TAOK3: variants seen among roughly 807,000 people sequenced by gnomAD.
TAOK3 encodes TAO kinase 3, also known as serine/threonine-protein kinase TAO3.
Under a neutral mutation model 120.4 loss-of-function variants are expected in TAOK3, and 40 were observed. The observed-to-expected ratio is 0.33, with a 90% confidence interval of 0.26 to 0.43. TAOK3 has a LOEUF of 0.43. Among genes scored for constraint, TAOK3 ranks in the 20% least tolerant of loss-of-function variants. TAOK3 has a pLI of 1.00. For missense variants in TAOK3, 821 were observed against 1,112.1 expected (o/e 0.74, Z 3.72); for synonymous variants, 355 against 387.5 (o/e 0.92, Z 0.99).
intron 9 of TAOK3, among the ~76,000 whole-genome samples, chr12:118,220,515 A>G (rs752742020): frequency 2.2e-4 from 34 of 151,942 alleles, no homozygotes; most frequent in Non-Finnish European, 4.1e-4. Flanking sequence ...AAGGACCAGA[A>G]CCCTCCCACT....
At chr12:118,353,916 T>TTG (rs2045286917) in intron 1 of TAOK3, among the ~76,000 whole-genome samples, 1 of 152,342 alleles carries the variant, frequency 6.6e-6, no homozygotes, top group East Asian at 1.9e-4. Context: ...GTTTAGTGAA[T>TTG]TGACTGCGGG....
intron 9 of TAOK3, among the ~76,000 whole-genome samples, chr12:118,233,428 A>C (rs1484047075): frequency 6.6e-6 from 1 of 151,712 alleles, no homozygotes; most frequent in African/African-American, 2.4e-5. Flanking sequence ...AAAATAAATA[A>C]ATAAATACAT....
chr12:118,155,816 A>G (rs1566225590), intron 19 of TAOK3, among the ~76,000 whole-genome samples: 1 of 152,030 alleles, frequency 6.6e-6, no homozygotes. Flanking sequence ...AGCTCACTGC[A>G]GCCTTGAACT....
intron 1 of TAOK3, among the ~76,000 whole-genome samples, chr12:118,327,403 T>C (rs1445712157): frequency 6.6e-6 from 1 of 152,220 alleles, no homozygotes; most frequent in African/African-American, 2.4e-5. Context: ...AAAGCTAAAG[T>C]TGAAACAAGT....
At chr12:118,166,847 T>TACACATACAC (rs2035629231) in intron 17 of TAOK3, among the ~76,000 whole-genome samples, 1 of 135,316 alleles carries the variant, frequency 7.4e-6, no homozygotes, top group South Asian at 2.6e-4. Flanking sequence ...CACACACACA[T>TACACATACAC]ACACACACAC....
chr12:118,352,771 C>G (rs961216556), intron 1 of TAOK3, among the ~76,000 whole-genome samples: 1 of 152,110 alleles, frequency 6.6e-6, no homozygotes, highest in African/African-American at 2.4e-5. Context: ...AGTGCTGTGG[C>G]ACGATCTTGG....
intron 11 of TAOK3, among the ~76,000 whole-genome samples, chr12:118,211,151 T>A (rs1250224678): frequency 6.6e-6 from 1 of 152,196 alleles, no homozygotes; most frequent in Non-Finnish European, 1.5e-5. Flanking sequence ...CAGCAGACAA[T>A]CAGTAAATAT....
At chr12:118,186,682 T>C (rs914999045) in intron 14 of TAOK3, among the ~76,000 whole-genome samples, 5 of 152,164 alleles carry the variant, frequency 3.3e-5, no homozygotes, top group African/African-American at 1.2e-4. Flanking sequence ...CCCTTCCTTT[T>C]CCTAATTCTT....
intron 2 of TAOK3, among the ~76,000 whole-genome samples, chr12:118,264,962 AG>A (rs2041380120): frequency 1.3e-5 from 2 of 152,144 alleles, no homozygotes; most frequent in South Asian, 4.1e-4. Context: ...TTAATCTCGG[AG>A]GCAGAGGTTG....
chr12:118,160,629 C>G lies in TAOK3; in HGVS notation c.2140-271G>C, dbSNP rs1217166564. ...GGACTGTTACAAGGGGATGACAACTCTAAGCAGATTGAGCGATACTATGAA... is the reference window on the plus strand; with the variant it reads ...GGACTGTTACAAGGGGATGACAACTGTAAGCAGATTGAGCGATACTATGAA... On this transcript the variant is annotated intron_variant, in intron 18 of 20. Coordinates refer to ENST00000392533, the MANE Select transcript of TAOK3 (RefSeq NM_016281.4). The surrounding 1 kb of genome is among the most constrained non-coding windows in gnomAD (Gnocchi z 4.2). Among the ~76,000 whole-genome samples, 1 of 152,198 alleles carries G rather than the reference C, an allele frequency of 6.6e-6. No individual in the cohort carries two copies.
chr12:118,353,035 G>A (rs759855459), intron 1 of TAOK3, among the ~76,000 whole-genome samples: 18 of 152,276 alleles, frequency 1.2e-4, no homozygotes, highest in Non-Finnish European at 2.1e-4. Flanking sequence ...TAAGCATGAT[G>A]AAATACATTT....
intron 1 of TAOK3, among the ~76,000 whole-genome samples, chr12:118,368,965 C>G (rs186374095): frequency 6.8e-6 from 1 of 147,524 alleles, no homozygotes; most frequent in Admixed American, 6.8e-5. Context: ...TTGAGACCAG[C>G]CTGGGCAATG....
At chr12:118,294,934 T>C (rs1029789823) in intron 1 of TAOK3, among the ~76,000 whole-genome samples, 12 of 152,050 alleles carry the variant, frequency 7.9e-5, no homozygotes, top group African/African-American at 2.7e-4. Context: ...TGGGGAAAGA[T>C]TAGGAATTAA....
chr12:118,231,715 G>A (rs1173817845), intron 9 of TAOK3, among the ~76,000 whole-genome samples: 1 of 152,058 alleles, frequency 6.6e-6, no homozygotes, highest in Non-Finnish European at 1.5e-5. Context: ...TCTGAAGTCA[G>A]GAGTTCAAGA....
intron 1 of TAOK3, among the ~76,000 whole-genome samples, chr12:118,308,021 T>C (rs1566095017): frequency 6.6e-6 from 1 of 151,896 alleles, no homozygotes; most frequent in Non-Finnish European, 1.5e-5. Flanking sequence ...TATCTGTAAA[T>C]GTAAGAAGGT....
chr12:118,248,923 TATAG>T (rs2040630868), intron 3 of TAOK3, among the ~76,000 whole-genome samples: 2 of 152,134 alleles, frequency 1.3e-5, no homozygotes, highest in African/African-American at 4.8e-5. Flanking sequence ...TTAATTTTGC[TATAG>T]ATGTGAATTT....
intron 9 of TAOK3, among the ~76,000 whole-genome samples, chr12:118,222,206 T>C (rs1200318548): frequency 1.3e-5 from 2 of 152,216 alleles, no homozygotes; most frequent in Admixed American, 1.3e-4. Context: ...AGATATGGAA[T>C]GAACCTAAGT....
intron 1 of TAOK3, among the ~76,000 whole-genome samples, chr12:118,315,607 C>G (rs2043428474): frequency 6.6e-6 from 1 of 151,966 alleles, no homozygotes; most frequent in South Asian, 2.1e-4. Context: ...GTTTTTATTT[C>G]TTTAAAAAAT....
At chr12:118,151,313 A>G (rs2034416241) in intron 20 of TAOK3, among the ~76,000 whole-genome samples, 155 bp from the exon 21 acceptor site, 1 of 151,876 alleles carries the variant, frequency 6.6e-6, no homozygotes, top group South Asian at 2.1e-4. Flanking sequence ...ACACACACAC[A>G]CACACAGGAA....
Sources: allele counts gnomAD v4.1 joint callset (sites outside exome capture counted in the v4.1 genomes callset), GRCh38; gene constraint gnomAD v4.1.1; non-coding constraint Gnocchi (gnomAD v3.1); transcripts MANE v1.5; gene names NCBI Gene and HGNC (gene_info 2026-07-23, HGNC 2026-07-21).